PTPRT: variants seen among roughly 807,000 people sequenced by gnomAD.
PTPRT encodes the protein protein tyrosine phosphatase receptor type T.
In PTPRT, 56 loss-of-function variants were observed where a neutral mutation model predicts 176.8. The observed-to-expected ratio is 0.32, with a 90% CI of 0.26 to 0.40. The LOEUF is 0.40. Among genes scored for constraint, PTPRT ranks in the 10% least tolerant of loss-of-function variants. PTPRT has a pLI of 1.00. For synonymous variants in PTPRT, 783 were observed against 739.0 expected, an observed-to-expected ratio of 1.06 and a Z score of -0.96; for missense variants, 1,540 against 1,908.2, an observed-to-expected ratio of 0.81 and a Z score of 3.60.
At chr20:42,924,765 G>C (rs1283185434) in intron 1 of PTPRT, among the ~76,000 whole-genome samples, 2 of 152,234 alleles carry the variant, frequency 1.3e-5, no homozygotes, top group Non-Finnish European at 2.9e-5. Context: ...GCAAAGGTGA[G>C]TGGAGATTTG....
chr20:42,477,087 C>T (rs574522500), intron 7 of PTPRT, among the ~76,000 whole-genome samples: 9 of 152,322 alleles, frequency 5.9e-5, no homozygotes, highest in Non-Finnish European at 7.3e-5. Flanking sequence ...CTGTCCACTT[C>T]CCCCAGACAT....
chr20:43,039,156 A>G (rs927054), intron 1 of PTPRT, among the ~76,000 whole-genome samples: 48,301 of 152,074 alleles, frequency 0.32, 10,625 homozygotes, highest in African/African-American at 0.62. Flanking sequence ...AGTACTGGGG[A>G]AATAATCCTC....
chr20:42,233,559 T>A (rs1323936185), intron 15 of PTPRT, among the ~76,000 whole-genome samples: 1 of 152,204 alleles, frequency 6.6e-6, no homozygotes, highest in Non-Finnish European at 1.5e-5. Flanking sequence ...CCCTCCTGTA[T>A]AAATGATTAA....
intron 17 of PTPRT, among the ~76,000 whole-genome samples, chr20:42,154,047 C>A (rs1186016732): frequency 1.3e-5 from 2 of 152,126 alleles, no homozygotes; most frequent in East Asian, 1.9e-4. Context: ...GTGAAACGAG[C>A]AGGTGGAGCC....
rs1568913226 is a variant in PTPRT, at chr20:42,086,745, A to ATATATATATAT, written c.3847-893_3847-892insATATATATATA. ...CCATCTCAAAAAAAAAAAAAAAAAA[A>ATATATATATAT]AAAAAAAAATATATATATATATGGG... On this transcript the variant is annotated intron_variant, in intron 27 of 30. Coordinates refer to ENST00000373187, the MANE Select transcript of PTPRT (RefSeq NM_007050.6). Among the ~76,000 whole-genome samples the ATATATATATAT allele has an allele frequency of 4.6e-4, 21 of 46,004 alleles. 1 individual carries two copies. The highest frequency in any genetic ancestry group is 1.4e-3 in the Admixed American group (8 of 5,798). 30.2% of individuals were successfully genotyped at this position (46,004 alleles called of 152,430 possible).
intron 1 of PTPRT, among the ~76,000 whole-genome samples, chr20:43,075,103 C>G (rs921562802): frequency 1.3e-5 from 2 of 152,202 alleles, no homozygotes; most frequent in African/African-American, 4.8e-5. Flanking sequence ...TTCTCCAGGC[C>G]ATCGTCCTGC....
In PTPRT at chr20:42,911,162, TTTAAATCATGGTGACTCTC is replaced by T. The variant is rs376520495; in HGVS notation, c.89-25249_89-25231del. 4.2e-3 allele frequency among the ~76,000 whole-genome samples: 635 copies of T among 152,302 alleles called. 6 individuals are homozygous for T. Among genetic ancestry groups the T allele is most frequent in the African/African-American group, 0.015 (617 of 41,560 alleles). On this transcript the variant is annotated intron_variant, in intron 1 of 30. Coordinates refer to ENST00000373187, the MANE Select transcript of PTPRT (RefSeq NM_007050.6). ...GCCTAACCATAGGAAACACTTTTTT[TTTAAATCATGGTGACTCTC>T]TTAAGAATCTAATATATTTATCTTA... is the stretch of plus-strand genomic sequence containing the variant.
intron 2 of PTPRT, among the ~76,000 whole-genome samples, chr20:42,843,820 T>C (rs1021621778): frequency 2.0e-5 from 3 of 152,234 alleles, no homozygotes; most frequent in Non-Finnish European, 4.4e-5. Context: ...CTTGACCTCA[T>C]GTCATCTCTT....
intron 9 of PTPRT, among the ~76,000 whole-genome samples, chr20:42,383,296 C>G (rs1450710314): frequency 6.6e-6 from 1 of 152,084 alleles, no homozygotes; most frequent in Non-Finnish European, 1.5e-5. Flanking sequence ...GGTAGACATT[C>G]TGGCTTCCCT....
intron 16 of PTPRT, among the ~76,000 whole-genome samples, chr20:42,194,637 C>T (rs371043680): frequency 1.3e-5 from 2 of 152,090 alleles, no homozygotes; most frequent in African/African-American, 4.8e-5. Flanking sequence ...AGCAAAAGAT[C>T]GCAGAGAAAA....
chr20:42,105,895 G>A (rs1389367829), intron 24 of PTPRT, among the ~76,000 whole-genome samples: 3 of 152,148 alleles, frequency 2.0e-5, no homozygotes, highest in Non-Finnish European at 4.4e-5. Context: ...AGCTCTGGTC[G>A]CCCAGGCACC....
intron 27 of PTPRT, 62 bp downstream of exon 27, chr20:42,098,358 TC>T (rs1985500567): frequency 1.0e-5 from 16 of 1,592,132 alleles, no homozygotes; most frequent in Non-Finnish European, 1.2e-5. Context: ...TCAAGGGATC[TC>T]CCTCCAGGTT....
At chr20:42,785,310 A>C (rs578146102) in intron 3 of PTPRT, among the ~76,000 whole-genome samples, 2 of 152,344 alleles carry the variant, frequency 1.3e-5, no homozygotes, top group African/African-American at 4.8e-5. Flanking sequence ...CAGAGCTAAA[A>C]GTCAATTTTA....
chr20:42,340,203 A>G (rs917654244), intron 11 of PTPRT, among the ~76,000 whole-genome samples: 2 of 152,230 alleles, frequency 1.3e-5, no homozygotes, highest in African/African-American at 2.4e-5. Flanking sequence ...TTAAATTTAA[A>G]TAGCCACATG....
chr20:42,584,714 G>T (rs975914247), intron 7 of PTPRT, among the ~76,000 whole-genome samples: 4 of 152,080 alleles, frequency 2.6e-5, no homozygotes, highest in Non-Finnish European at 5.9e-5. Flanking sequence ...CGAATTCTCC[G>T]CAAACAGAAA....
chr20:42,361,607 G>A (rs74662967), intron 9 of PTPRT, among the ~76,000 whole-genome samples: 4 of 152,130 alleles, frequency 2.6e-5, no homozygotes, highest in South Asian at 2.1e-4. Flanking sequence ...GTGAGCAAAC[G>A]CAGGGTGCAT....
At chr20:42,137,520 T>C (rs566004118) in intron 18 of PTPRT, among the ~76,000 whole-genome samples, 35 of 152,206 alleles carry the variant, frequency 2.3e-4, no homozygotes, top group African/African-American at 7.9e-4. Flanking sequence ...TGGTAAGGAA[T>C]ATGTGCCACC....
At chr20:42,671,421 T>C (rs138490524) in intron 7 of PTPRT, among the ~76,000 whole-genome samples, 3 of 152,196 alleles carry the variant, frequency 2.0e-5, no homozygotes, top group African/African-American at 7.2e-5. Context: ...AAGACCCAAC[T>C]CCTATCACAG....
chr20:42,474,514 C>A (rs1429545077), intron 7 of PTPRT, among the ~76,000 whole-genome samples: 1 of 152,184 alleles, frequency 6.6e-6, no homozygotes, highest in Non-Finnish European at 1.5e-5. Flanking sequence ...TCTTACAGCC[C>A]AATTATTCAT....
Sources: gnomAD v4.1 joint callset for allele counts (sites outside exome capture counted in the v4.1 genomes callset) on GRCh38, gnomAD v4.1.1 for gene constraint, MANE v1.5 for transcripts, NCBI Gene and HGNC (gene_info 2026-07-23, HGNC 2026-07-21) for gene names.